DENND2A: variants seen among roughly 807,000 people sequenced by gnomAD.
DENND2A encodes the protein DENN domain-containing protein 2A.
In DENND2A, 53 loss-of-function variants were observed where a neutral mutation model predicts 105.3. That is an observed-to-expected ratio of 0.50 (90% confidence interval 0.40 to 0.63). The LOEUF is 0.63. Ranked by LOEUF, DENND2A falls within the 30% of genes least tolerant of loss-of-function variation. The pLI is 0.00. For synonymous variants in DENND2A, 522 were observed against 508.4 expected, an observed-to-expected ratio of 1.03 and a Z score of -0.36; for missense variants, 1,138 against 1,279.6, an observed-to-expected ratio of 0.89 and a Z score of 1.69.
intron 9 of DENND2A, 62 bp downstream of exon 9, chr7:140,567,024 G>T: frequency 7.0e-7 from 1 of 1,436,802 alleles, no homozygotes; most frequent in Non-Finnish European, 9.3e-7. Context: ...CTCAATTCAT[G>T]AGTCCCAACA....
intron 10 of DENND2A, 135 bp from the exon 11 acceptor site, chr7:140,558,347 C>T: frequency 1.6e-6 from 1 of 618,114 alleles, no homozygotes; most frequent in Non-Finnish European, 2.9e-6. Context: ...ACTCCCTGTC[C>T]CACCTGTCCC....
chr7:140,633,057 C>G (rs2130740426), intron 1 of DENND2A, among the ~76,000 whole-genome samples: 1 of 134,576 alleles, frequency 7.4e-6, no homozygotes, highest in Admixed American at 7.8e-5. Flanking sequence ...GAGACAGAGT[C>G]TTGCGCTGCC....
At chr7:140,568,649 C>T (rs1282522966) in intron 8 of DENND2A, 114 bp downstream of exon 8, 16 of 1,132,614 alleles carry the variant, frequency 1.4e-5, no homozygotes, top group Non-Finnish European at 2.0e-5. Context: ...ATGTCCACGC[C>T]TTGCCAAGCA....
intron 14 of DENND2A, among the ~76,000 whole-genome samples, chr7:140,541,360 C>G (rs1431156611): frequency 6.6e-6 from 1 of 152,046 alleles, no homozygotes; most frequent in Non-Finnish European, 1.5e-5. Flanking sequence ...CAGGGTGGGT[C>G]CTCCCCAAGT....
rs746814060 is a variant in DENND2A, at chr7:140,519,612, C to T, written c.2998+20G>A. The T allele has an allele frequency of 6.2e-7, 1 of 1,611,508 alleles. No individual in the cohort carries two copies. ...AGCTCAGAGGCACACAGGCTGGGCA[C>T]CCAGAGCCCGGGGCCTTACCTAGTC... On this transcript the variant is annotated intron_variant, in intron 19 of 19. Transcript: ENST00000496613.
chr7:140,563,934 G>A lies in DENND2A; in HGVS notation c.1779+3152C>T, dbSNP rs1055833331. Among the ~76,000 whole-genome samples, 33 of 152,040 alleles carry A rather than the reference G, an allele frequency of 2.2e-4. 1 individual carries two copies. The highest frequency in any genetic ancestry group is 6.6e-5 in the Admixed American group (1 of 15,266). ...GTTGAGGCTGCAGTGAGCTGTGATC[G>A]TGCCACTCCATGCCATCCTGGATGA... On this transcript the variant is annotated intron_variant, in intron 9 of 19. Coordinates refer to ENST00000496613, the MANE Select transcript of DENND2A (RefSeq NM_015689.5).
chr7:140,624,282 A>G (rs1457516315), intron 1 of DENND2A, among the ~76,000 whole-genome samples: 3 of 152,082 alleles, frequency 2.0e-5, no homozygotes, highest in Admixed American at 2.0e-4. Context: ...GTTACTGGGA[A>G]CCCAGCCTGT....
intron 12 of DENND2A, among the ~76,000 whole-genome samples, chr7:140,548,940 C>T (rs557626330): frequency 1.3e-5 from 2 of 151,958 alleles, no homozygotes; most frequent in Admixed American, 1.3e-4. Context: ...AAATACCAGC[C>T]GGGCATGGTG....
chr7:140,578,749 T>G (rs1009478885), intron 5 of DENND2A, among the ~76,000 whole-genome samples: 12 of 151,884 alleles, frequency 7.9e-5, no homozygotes, highest in African/African-American at 2.7e-4. Context: ...GGTGTGGTAG[T>G]GGGCACCTGC....
chr7:140,626,059 C>T (rs1800512823), intron 1 of DENND2A, among the ~76,000 whole-genome samples: 2 of 152,174 alleles, frequency 1.3e-5, no homozygotes, highest in Non-Finnish European at 2.9e-5. Context: ...GAGGGATTAA[C>T]TTTTCCCAAG....
chr7:140,522,237 G>A, intron 17 of DENND2A, 137 bp from the exon 18 acceptor site: 1 of 1,085,408 alleles, frequency 9.2e-7, no homozygotes, highest in Non-Finnish European at 1.3e-6. Flanking sequence ...CAGGAGGAGG[G>A]TTACCCAGGT....
intron 1 of DENND2A, among the ~76,000 whole-genome samples, chr7:140,620,910 G>A (rs1465944275): frequency 6.6e-6 from 1 of 152,052 alleles, no homozygotes; most frequent in Non-Finnish European, 1.5e-5. Context: ...TCATCCCTTG[G>A]TATCCTCGGG....
At chr7:140,553,595 A>G (rs531349745) in intron 12 of DENND2A, among the ~76,000 whole-genome samples, 198 of 152,278 alleles carry the variant, frequency 1.3e-3, no homozygotes, top group Middle Eastern at 3.4e-3. Flanking sequence ...CTATCCCATG[A>G]GGAGAAATCT....
rs1188213515 is a variant in DENND2A at position 140,640,734 on chromosome 7, G to A, written c.-478C>T. ...GGTCCCCGCCGCCCCCGGCCCCAGCGGCGCGCTTCCCTCGGCCGGCCCAGC... is the reference window on the plus strand; with the variant it reads ...GGTCCCCGCCGCCCCCGGCCCCAGCAGCGCGCTTCCCTCGGCCGGCCCAGC... On this transcript the variant is annotated 5_prime_UTR_variant, in exon 1 of 20. Coordinates refer to ENST00000496613, the MANE Select transcript of DENND2A (RefSeq NM_015689.5). This position sits in a 1 kb window ranked among gnomAD's most constrained non-coding sequence, Gnocchi z 4.9. 1.4e-5 allele frequency: 2 copies of A among 141,446 alleles called. No individual in the cohort carries two copies. The highest frequency in any genetic ancestry group is 3.1e-5 in the Non-Finnish European group (2 of 65,214). The allele number at this position is 141,446 out of a possible 1,614,324, so 8.8% of individuals were successfully genotyped here.
At chr7:140,554,913 T>C (rs1456908935) in intron 12 of DENND2A, among the ~76,000 whole-genome samples, 1 of 152,222 alleles carries the variant, frequency 6.6e-6, no homozygotes, top group Non-Finnish European at 1.5e-5. Flanking sequence ...ACAAAACTGT[T>C]ATATATACAT....
intron 14 of DENND2A, 80 bp downstream of exon 14, chr7:140,544,538 C>A: frequency 6.3e-7 from 1 of 1,576,910 alleles, no homozygotes; most frequent in Non-Finnish European, 8.7e-7. Context: ...CAATGCTAGG[C>A]GGTCACCTGC....
At chr7:140,562,963 C>T (rs1797692024) in intron 9 of DENND2A, among the ~76,000 whole-genome samples, 1 of 152,274 alleles carries the variant, frequency 6.6e-6, no homozygotes, top group Non-Finnish European at 1.5e-5. Context: ...CAGACTGTCC[C>T]CTAAACAGTA....
chr7:140,544,262 T>C, intron 14 of DENND2A: 1 of 379,910 alleles, frequency 2.6e-6, no homozygotes, highest in Admixed American at 3.6e-5. Flanking sequence ...TGGTGAGATC[T>C]CAGCTCACTG....
rs190043671 is a variant in DENND2A at position 140,619,243 on chromosome 7, G to A, written c.-247-13437C>T. ...AGTTAAGCAATGTAATGGTAATGTA[G>A]ACTATAATTTAGCTATTCAGTGGAA... On this transcript the variant is annotated intron_variant, in intron 1 of 19. Coordinates refer to ENST00000496613, the MANE Select transcript of DENND2A (RefSeq NM_015689.5). Among the ~76,000 whole-genome samples, 10 of 152,280 alleles carry A rather than the reference G, an allele frequency of 6.6e-5. No homozygotes were observed. The East Asian group carries it at 1.2e-3, about 18-fold the overall frequency.
Sources: gnomAD v4.1 joint callset for allele counts (sites outside exome capture counted in the v4.1 genomes callset) on GRCh38, gnomAD v4.1.1 for gene constraint, Gnocchi (gnomAD v3.1) non-coding constraint, MANE v1.5 for transcripts, NCBI Gene and HGNC (gene_info 2026-07-23, HGNC 2026-07-21) for gene names.